The following PCDHGA4 variants were observed in gnomAD, a reference collection of about 807,000 sequenced individuals.
The protein encoded by PCDHGA4 is protocadherin gamma-A4.
A neutral mutation model predicts 54.6 loss-of-function variants in PCDHGA4; 38 were observed. The ratio of observed to expected loss-of-function variants is 0.70; its 90% CI spans 0.54 to 0.91. The LOEUF is 0.91. Ranked by LOEUF, PCDHGA4 falls within the 40% of genes least tolerant of loss-of-function variation. PCDHGA4 has a pLI of 0.00. For missense variants in PCDHGA4, 1,298 were observed against 1,220.9 expected (o/e 1.06, Z -0.94); for synonymous variants, 511 against 512.9 (o/e 1.00, Z 0.05).
At chr5:141,446,401 T>C (rs1321106896) in intron 1 of PCDHGA4, among the ~76,000 whole-genome samples, 1 of 152,166 alleles carries the variant, frequency 6.6e-6, no homozygotes, top group African/African-American at 2.4e-5. Context: ...AGAAATCGAG[T>C]TGAGTTCCAG....
At chr5:141,457,715 CA>C (rs2098928510) in intron 1 of PCDHGA4, among the ~76,000 whole-genome samples, 2 of 152,212 alleles carry the variant, frequency 1.3e-5, no homozygotes, top group Non-Finnish European at 2.9e-5. Flanking sequence ...CACTGTTCCA[CA>C]AGGAATTTCA....
intron 1 of PCDHGA4, among the ~76,000 whole-genome samples, chr5:141,472,102 T>C (rs1231168102): frequency 6.6e-6 from 1 of 152,240 alleles, no homozygotes; most frequent in Non-Finnish European, 1.5e-5. Flanking sequence ...ATTCCCATTT[T>C]ATACATAAAG....
intron 1 of PCDHGA4, among the ~76,000 whole-genome samples, chr5:141,451,329 A>G (rs991467686): frequency 2.6e-5 from 4 of 152,196 alleles, no homozygotes; most frequent in African/African-American, 9.6e-5. Context: ...ACCTAAGGCT[A>G]TTGTCTTATC....
chr5:141,388,919 G>T, intron 1 of PCDHGA4: 1 of 1,613,998 alleles, frequency 6.2e-7, no homozygotes. Flanking sequence ...CCCCAGAAGT[G>T]ATATTCCAGT....
At chr5:141,482,356 G>T (rs1330274684) in intron 1 of PCDHGA4, among the ~76,000 whole-genome samples, 1 of 152,236 alleles carries the variant, frequency 6.6e-6, no homozygotes, top group East Asian at 1.9e-4. Flanking sequence ...TGTTGTGAGA[G>T]TGAAAAGTAA....
chr5:141,489,314 G>T lies in PCDHGA4; in HGVS notation c.2515-5493G>T. ...TGCATGTTGTCCTTGTGCTGCTGGG[G>T]CTGGGTGTCTGGGCAGCTTCGTTAC... On this transcript the variant is annotated intron_variant, in intron 1 of 3. Transcript: ENST00000571252. This position sits in a 1 kb window ranked among gnomAD's most constrained non-coding sequence, Gnocchi z 4.5. 6.3e-7 allele frequency: 1 copy of T among 1,596,908 alleles called. No individual in the cohort carries two copies. The highest frequency in any genetic ancestry group is 8.5e-7 in the Non-Finnish European group (1 of 1,170,694).
chr5:141,363,843 T>C (rs771270646), intron 1 of PCDHGA4, among the ~76,000 whole-genome samples: 2 of 152,188 alleles, frequency 1.3e-5, no homozygotes, highest in African/African-American at 2.4e-5. Context: ...TGTCCTAATT[T>C]AATGGACTAA....
At position 141,432,963 on chromosome 5, in the gene PCDHGA4, C is replaced by T. The variant is rs1382354299; in HGVS notation, c.2515-61844C>T. 1.5e-5 allele frequency: 24 copies of T among 1,614,046 alleles called. 1 individual carries two copies. In the South Asian group the frequency reaches 2.3e-4, roughly 16 times the overall value. On this transcript the variant is annotated intron_variant, in intron 1 of 3. Transcript: ENST00000571252. The surrounding 1 kb of genome is among the most constrained non-coding windows in gnomAD (Gnocchi z 6.0). ...GCTTCAGGAGGCGGCTTGACAGGAG[C>T]GCCGGCGTCGCACTTTGTGGGCGTG...
chr5:141,505,705 GAA>G (rs1250788277), intron 3 of PCDHGA4, among the ~76,000 whole-genome samples: 1 of 152,198 alleles, frequency 6.6e-6, no homozygotes, highest in Non-Finnish European at 1.5e-5. Flanking sequence ...AGCGAACAAG[GAA>G]AAGACTCATG....
At chr5:141,399,196 G>A (rs201540226) in intron 1 of PCDHGA4, 2 of 1,613,938 alleles carry the variant, frequency 1.2e-6, no homozygotes, top group Non-Finnish European at 1.7e-6. Flanking sequence ...GGAAAACGCG[G>A]TGCCTGGAAC....
At position 141,361,648 on chromosome 5, in the gene PCDHGA4, G is replaced by C. The variant is rs1364656645; in HGVS notation, c.2514+4027G>C. 10 of 1,613,678 alleles carry C rather than the reference G, an allele frequency of 6.2e-6. No individual in the cohort carries two copies. Among genetic ancestry groups the C allele is most frequent in the Admixed American group, 5.0e-5 (3 of 60,014 alleles). ...GAAGCCGCGGGAGATTTTATCCTAC[G>C]TGTCCGTGAGCGCGCAGAGCGGGGT... On this transcript the variant is annotated intron_variant, in intron 1 of 3. Coordinates refer to ENST00000571252, the MANE Select transcript of PCDHGA4 (RefSeq NM_018917.4).
rs1382764259 is a variant in PCDHGA4 at position 141,478,383 on chromosome 5, T to G, written c.2515-16424T>G. 2.5e-6 allele frequency: 4 copies of G among 1,613,630 alleles called. No individual in the cohort carries two copies. In the Admixed American group the frequency reaches 6.7e-5, roughly 27 times the overall value. Reference sequence around the variant, plus strand: ...CGGGGAGGCCTGATGTCGCCGCACCTTTACCATCAGGTGTATCTCACCACG... The same window carrying G: ...CGGGGAGGCCTGATGTCGCCGCACCGTTACCATCAGGTGTATCTCACCACG... On this transcript the variant is annotated intron_variant, in intron 1 of 3. Coordinates refer to ENST00000571252, the MANE Select transcript of PCDHGA4 (RefSeq NM_018917.4).
chr5:141,476,029 A>G lies in PCDHGA4; in HGVS notation c.2515-18778A>G, dbSNP rs975943706. The G allele has an allele frequency of 2.3e-5, 34 of 1,455,312 alleles. No homozygotes were observed. The highest frequency in any genetic ancestry group is 1.1e-4 in the African/African-American group (8 of 70,728). 90.1% of individuals were successfully genotyped at this position (1,455,312 alleles called of 1,614,324 possible). A position where few individuals can be genotyped will look rare whatever the true frequency, so the allele number is the denominator to read the frequency against. On this transcript the variant is annotated intron_variant, in intron 1 of 3. Transcript: ENST00000571252. The surrounding 1 kb of genome is among the most constrained non-coding windows in gnomAD (Gnocchi z 7.6). The stretch of plus-strand genomic sequence containing the variant: ...GAAAGCCATGTCGGACTCGGCGCCC[A>G]GCGCCCAAGCGCTAACCCGCTGAAA...
At chr5:141,506,487 G>A (rs1265051912) in intron 3 of PCDHGA4, among the ~76,000 whole-genome samples, 3 of 150,464 alleles carry the variant, frequency 2.0e-5, no homozygotes, top group Non-Finnish European at 4.4e-5. Flanking sequence ...TTAGAGGCAG[G>A]CCAATCTGGA....
At position 141,491,796 on chromosome 5, in the gene PCDHGA4, C is replaced by T. The variant is rs1487915203; in HGVS notation, c.2515-3011C>T. The stretch of plus-strand genomic sequence containing the variant: ...GATTGAACTTGCATCCACTCCTCTC[C>T]GGCCGGCTTGGTCGCTGGCTGCGCT... On this transcript the variant is annotated intron_variant, in intron 1 of 3. Transcript: ENST00000571252. The surrounding 1 kb of genome is among the most constrained non-coding windows in gnomAD (Gnocchi z 6.9). 6.6e-7 allele frequency: 1 copy of T among 1,509,866 alleles called. No homozygotes were observed. The highest frequency in any genetic ancestry group is 2.4e-5 in the Admixed American group (1 of 42,218). The allele number at this position is 1,509,866 out of a possible 1,614,324, so 93.5% of individuals were successfully genotyped here. A position where few individuals can be genotyped will look rare whatever the true frequency, so the allele number is the denominator to read the frequency against.
chr5:141,355,487 G>A lies in PCDHGA4; in HGVS notation c.380G>A (p.Cys127Tyr), dbSNP rs374822875. The A allele has an allele frequency of 1.2e-6, 2 of 1,613,940 alleles. No homozygotes were observed. Among genetic ancestry groups the A allele is most frequent in the African/African-American group, 1.3e-5 (1 of 74,940 alleles). ...TAGRIDREEL[C>Y]DRSPNCVTNL... is the part of the protein sequence containing the mutation. ...GGTAGGATAGACAGGGAGGAGCTCT[G>A]CGACAGATCTCCAAACTGTGTGACA... Residue 127 changes from cysteine to tyrosine, a missense_variant, in exon 1 of 4, where the codon TGC (cysteine) becomes TAC (tyrosine). Coordinates refer to ENST00000571252, the MANE Select transcript of PCDHGA4 (RefSeq NM_018917.4).
At chr5:141,385,271 TG>T (rs777522853) in intron 1 of PCDHGA4, 313 of 1,614,076 alleles carry the variant, frequency 1.9e-4, no homozygotes, top group Non-Finnish European at 2.4e-4. Flanking sequence ...AATGATTCTT[TG>T]CTAACATCCG....
In PCDHGA4 at chr5:141,432,361, G is replaced by A; in HGVS notation, c.2515-62446G>A. 1 of 1,614,230 alleles carries A rather than the reference G, an allele frequency of 6.2e-7. No individual in the cohort carries two copies. Among genetic ancestry groups the A allele is most frequent in the Non-Finnish European group, 8.5e-7 (1 of 1,180,050 alleles). On this transcript the variant is annotated intron_variant, in intron 1 of 3. Coordinates refer to ENST00000571252, the MANE Select transcript of PCDHGA4 (RefSeq NM_018917.4). The surrounding 1 kb of genome is among the most constrained non-coding windows in gnomAD (Gnocchi z 6.0). Reference sequence around the variant, plus strand: ...GAGACTTGCAAGTGAAAGTGATGGCGCGGGACAACGGGCACCCGCCCCTCA... The same window carrying A: ...GAGACTTGCAAGTGAAAGTGATGGCACGGGACAACGGGCACCCGCCCCTCA...
intron 1 of PCDHGA4, among the ~76,000 whole-genome samples, chr5:141,460,183 CCA>C (rs561755067): frequency 7.2e-5 from 11 of 151,782 alleles, no homozygotes; most frequent in Non-Finnish European, 1.0e-4. Context: ...ATATTTTATC[CCA>C]GACTATGACT....
Sources: gnomAD v4.1 joint callset for allele counts (sites outside exome capture counted in the v4.1 genomes callset) on GRCh38, gnomAD v4.1.1 for gene constraint, Gnocchi (gnomAD v3.1) non-coding constraint, MANE v1.5 for transcripts, NCBI Gene and HGNC (gene_info 2026-07-23, HGNC 2026-07-21) for gene names.